The following SDK2 variants were observed in gnomAD, a reference collection of about 807,000 sequenced individuals.
SDK2 encodes the protein protein sidekick-2.
A neutral mutation model predicts 253.9 loss-of-function variants in SDK2; 105 were observed. That is an observed-to-expected ratio of 0.41 (90% CI 0.35 to 0.49). The LOEUF (loss-of-function observed/expected upper bound fraction) is 0.49. Among genes scored for constraint, SDK2 ranks in the 20% least tolerant of loss-of-function variants. The probability of loss-of-function intolerance (pLI) is 0.06; values close to 1 mark genes in which losing one functional copy is unlikely to be tolerated. For missense variants in SDK2, 2,608 were observed against 3,003.0 expected, an observed-to-expected ratio of 0.87 and a Z score of 3.07; for synonymous variants, 1,249 against 1,234.9, an observed-to-expected ratio of 1.01 and a Z score of -0.24.
chr17:73,607,802 G>A (rs189615941), intron 1 of SDK2, among the ~76,000 whole-genome samples: 13 of 152,022 alleles, frequency 8.6e-5, no homozygotes, highest in Non-Finnish European at 1.3e-4. Context: ...AGGGTTTTAC[G>A]CTGCAGGCTT....
At chr17:73,360,386 T>C (rs756525626) in intron 39 of SDK2, among the ~76,000 whole-genome samples, 3 of 152,094 alleles carry the variant, frequency 2.0e-5, no homozygotes, top group Non-Finnish European at 4.4e-5. Context: ...GTCAGGCTAA[T>C]TGGGACTGCT....
chr17:73,375,883 ATAAAC>A (rs952265179), intron 36 of SDK2, among the ~76,000 whole-genome samples: 1 of 151,450 alleles, frequency 6.6e-6, no homozygotes, highest in Admixed American at 6.6e-5. Flanking sequence ...AAGAAATAAA[ATAAAC>A]TAAACTAAAA....
At position 73,534,132 on chromosome 17, in the gene SDK2, G is replaced by A. The variant is rs2064194746; in HGVS notation, c.65-26535C>T. Among the ~76,000 whole-genome samples, 1 of 152,104 alleles carries A rather than the reference G, an allele frequency of 6.6e-6. No individual in the cohort carries two copies. The highest frequency in any genetic ancestry group is 1.5e-5 in the Non-Finnish European group (1 of 68,028). On this transcript the variant is annotated intron_variant, in intron 1 of 44. Coordinates refer to ENST00000392650, the MANE Select transcript of SDK2 (RefSeq NM_001144952.2). The surrounding 1 kb of genome is among the most constrained non-coding windows in gnomAD (Gnocchi z 4.9). The stretch of plus-strand genomic sequence containing the variant: ...CTCTCCTTCCAATAAGCCCCTAGAA[G>A]GCCTGGGGATGTCTGCACTTTTATT...
rs532451680 is a variant in SDK2, at chr17:73,345,319, CA to C, written c.6165+3279del. On this transcript the variant is annotated intron_variant, in intron 44 of 44. Transcript: ENST00000392650. ...GGGGGACAAGAGCGAGACTTCATTT[CA>C]AAAAAAAAAGAAAAAAAAAGAGAAA... Among the ~76,000 whole-genome samples, 15 of 140,592 alleles carry C rather than the reference CA, an allele frequency of 1.1e-4. No homozygotes were observed. In the South Asian group the frequency reaches 1.1e-3, roughly 11 times the overall value. The allele number at this position is 140,592 out of a possible 152,430, so 92.2% of individuals were successfully genotyped here.
At chr17:73,565,316 G>C (rs1243802409) in intron 1 of SDK2, among the ~76,000 whole-genome samples, 1 of 152,182 alleles carries the variant, frequency 6.6e-6, no homozygotes, top group Non-Finnish European at 1.5e-5. Context: ...AAAGGCTAGA[G>C]GGACTGAACA....
chr17:73,430,350 C>G (rs1391397033), intron 12 of SDK2, among the ~76,000 whole-genome samples, 161 bp downstream of exon 12: 1 of 152,306 alleles, frequency 6.6e-6, no homozygotes, highest in African/African-American at 2.4e-5. Flanking sequence ...TTTCATACCC[C>G]CTACCTCTCA....
At chr17:73,513,168 A>G (rs1289292591) in intron 1 of SDK2, among the ~76,000 whole-genome samples, 2 of 152,160 alleles carry the variant, frequency 1.3e-5, no homozygotes, top group Non-Finnish European at 2.9e-5. Context: ...CATAAACAAA[A>G]AGAAGTGACA....
rs77654738 is a variant in SDK2 at position 73,534,502 on chromosome 17, A to G, written c.65-26905T>C. Reference sequence around the variant, plus strand: ...AGGGACAGTGTGGGGGCTGGGAGAAAAGACAGACAGGAGGGAGGAGGAAGG... The same window carrying G: ...AGGGACAGTGTGGGGGCTGGGAGAAGAGACAGACAGGAGGGAGGAGGAAGG... On this transcript the variant is annotated intron_variant, in intron 1 of 44. Transcript: ENST00000392650. The surrounding 1 kb of genome is among the most constrained non-coding windows in gnomAD (Gnocchi z 4.9). Among the ~76,000 whole-genome samples the G allele has an allele frequency of 3.3e-4, 51 of 152,260 alleles. No homozygotes were observed. Among genetic ancestry groups the G allele is most frequent in the African/African-American group, 1.2e-3 (51 of 41,542 alleles).
intron 1 of SDK2, among the ~76,000 whole-genome samples, chr17:73,516,099 G>A (rs1056340593): frequency 6.6e-6 from 1 of 152,210 alleles, no homozygotes. Context: ...AAGTTCTTAC[G>A]TCTGAGGCTT....
chr17:73,426,630 G>A (rs1018143069), intron 12 of SDK2, among the ~76,000 whole-genome samples: 2 of 151,866 alleles, frequency 1.3e-5, no homozygotes, highest in East Asian at 3.9e-4. Flanking sequence ...CAGTGAAATC[G>A]TTGAGTTAAT....
In SDK2 at chr17:73,389,786, G is replaced by C. The variant is rs369190091; in HGVS notation, c.4192+501C>G. On this transcript the variant is annotated intron_variant, in intron 29 of 44. Transcript: ENST00000392650. ...ATTAATTTAGACAGAGTCTTGTTCT[G>C]TCACCCAGGCTGGAGTGCAGTGGTG... Among the ~76,000 whole-genome samples the C allele has an allele frequency of 3.3e-5, 5 of 152,276 alleles. No individual in the cohort carries two copies. The East Asian group carries it at 5.8e-4, about 18-fold the overall frequency.
intron 2 of SDK2, among the ~76,000 whole-genome samples, chr17:73,483,004 G>A (rs941722592): frequency 6.6e-6 from 1 of 152,138 alleles, no homozygotes; most frequent in African/African-American, 2.4e-5. Flanking sequence ...TTGAGCATGT[G>A]GCCTGAAGTC....
At chr17:73,437,593 G>C (rs2063379900) in intron 8 of SDK2, 146 bp downstream of exon 8, 1 of 724,002 alleles carries the variant, frequency 1.4e-6, no homozygotes, top group African/African-American at 1.8e-5. Flanking sequence ...TTGTTTCCTG[G>C]GGTGCCTGCT....
chr17:73,539,621 G>C (rs1166443200), intron 1 of SDK2, among the ~76,000 whole-genome samples: 4 of 152,212 alleles, frequency 2.6e-5, no homozygotes, highest in African/African-American at 7.2e-5. Context: ...GTGGCAGCAA[G>C]AGCTTTGTTA....
intron 2 of SDK2, among the ~76,000 whole-genome samples, chr17:73,495,726 C>T (rs532252174): frequency 3.3e-5 from 5 of 152,142 alleles, no homozygotes; most frequent in Non-Finnish European, 4.4e-5. Context: ...CCCCGATCCT[C>T]AGGAGTGGGA....
rs1040838240 is a variant in SDK2 at position 73,352,244 on chromosome 17, T to C, written c.5758+229A>G. Among the ~76,000 whole-genome samples the C allele has an allele frequency of 2.6e-5, 4 of 152,156 alleles. No individual in the cohort carries two copies. The highest frequency in any genetic ancestry group is 9.7e-5 in the African/African-American group (4 of 41,432). On this transcript the variant is annotated intron_variant, in intron 41 of 44. Coordinates refer to ENST00000392650, the MANE Select transcript of SDK2 (RefSeq NM_001144952.2). This position sits in a 1 kb window ranked among gnomAD's most constrained non-coding sequence, Gnocchi z 4.1. ...CCCTACCCAGGGCTTCTGGAGTTCC[T>C]TGAAAGGGAGCCCCAAAGATGAAGA...
chr17:73,530,297 G>A (rs551113692), intron 1 of SDK2, among the ~76,000 whole-genome samples: 97 of 152,292 alleles, frequency 6.4e-4, no homozygotes, highest in African/African-American at 2.2e-3. Flanking sequence ...ATGGCAGAAG[G>A]CGAAGGGGAA....
chr17:73,538,592 G>C (rs750744337), intron 1 of SDK2, among the ~76,000 whole-genome samples: 6 of 152,196 alleles, frequency 3.9e-5, no homozygotes, highest in Non-Finnish European at 5.9e-5. Flanking sequence ...CCACCTCCTG[G>C]CCTCCGAATG....
chr17:73,464,118 C>G lies in SDK2; in HGVS notation c.331+7994G>C, dbSNP rs201192590. Among the ~76,000 whole-genome samples, 3 of 152,282 alleles carry G rather than the reference C, an allele frequency of 2.0e-5. No homozygotes were observed. In the East Asian group the frequency reaches 5.8e-4, roughly 29 times the overall value. On this transcript the variant is annotated intron_variant, in intron 3 of 44. Transcript: ENST00000392650. Reference sequence around the variant, plus strand: ...CTGCTCACTTCAGATCACTTCATGCCTCTGCCCTCGACCACCCATGACTTC... The same window carrying G: ...CTGCTCACTTCAGATCACTTCATGCGTCTGCCCTCGACCACCCATGACTTC...
Sources: allele counts gnomAD v4.1 joint callset (sites outside exome capture counted in the v4.1 genomes callset), GRCh38; gene constraint gnomAD v4.1.1; non-coding constraint Gnocchi (gnomAD v3.1); transcripts MANE v1.5; gene names NCBI Gene and HGNC (gene_info 2026-07-23, HGNC 2026-07-21).